Variants in PTPRN2 observed in about 807,000 individuals in gnomAD.
PTPRN2 encodes the protein protein tyrosine phosphatase receptor type N2, also known as receptor-type tyrosine-protein phosphatase N2.
In PTPRN2, 74 loss-of-function variants were observed where a neutral mutation model predicts 118.8. The observed-to-expected ratio is 0.62, with a 90% CI of 0.52 to 0.76. PTPRN2 has a LOEUF of 0.76. Among genes scored for constraint, PTPRN2 ranks in the 30% least tolerant of loss-of-function variants. PTPRN2 has a pLI of 0.00. For missense variants in PTPRN2, 1,481 were observed against 1,394.4 expected, an observed-to-expected ratio of 1.06 and a Z score of -0.99; for synonymous variants, 641 against 608.0, an observed-to-expected ratio of 1.05 and a Z score of -0.80.
At chr7:157,599,776 G>A (rs929516248) in intron 16 of PTPRN2, among the ~76,000 whole-genome samples, 23 of 152,278 alleles carry the variant, frequency 1.5e-4, no homozygotes, top group African/African-American at 4.1e-4. Flanking sequence ...TGGGTGTCAC[G>A]TCTTTACTCT....
At chr7:158,150,836 C>A (rs901626474) in intron 6 of PTPRN2, among the ~76,000 whole-genome samples, 6 of 152,054 alleles carry the variant, frequency 3.9e-5, no homozygotes, top group Admixed American at 3.9e-4. Flanking sequence ...TGGTTGCACC[C>A]CAGCCACTCT....
At chr7:158,301,159 T>C (rs933923542) in intron 3 of PTPRN2, among the ~76,000 whole-genome samples, 7 of 152,208 alleles carry the variant, frequency 4.6e-5, no homozygotes, top group African/African-American at 1.4e-4. Flanking sequence ...TCTTATACTA[T>C]AACTAGTTCC....
At chr7:158,061,022 A>T (rs1378154898) in intron 11 of PTPRN2, among the ~76,000 whole-genome samples, 1 of 152,232 alleles carries the variant, frequency 6.6e-6, no homozygotes, top group Admixed American at 6.5e-5. Flanking sequence ...ACCTTCCACA[A>T]TATGGAATAA....
chr7:158,494,758 G>A (rs112101184), intron 1 of PTPRN2, among the ~76,000 whole-genome samples: 252 of 152,304 alleles, frequency 1.7e-3, no homozygotes, highest in African/African-American at 5.9e-3. Context: ...TGGAGATGCA[G>A]GTCTGTTGGG....
chr7:158,199,638 A>G (rs535464225), intron 4 of PTPRN2, among the ~76,000 whole-genome samples: 1 of 152,124 alleles, frequency 6.6e-6, no homozygotes, highest in South Asian at 2.1e-4. Context: ...TCAGCTGTGA[A>G]GCTCAGAATG....
intron 12 of PTPRN2, among the ~76,000 whole-genome samples, chr7:157,706,635 C>T (rs1237970436): frequency 6.6e-6 from 1 of 151,682 alleles, no homozygotes; most frequent in African/African-American, 2.4e-5. Context: ...TCAACGTGAC[C>T]ACATCCTTCC....
At position 158,145,688 on chromosome 7, in the gene PTPRN2, A is replaced by G. The variant is rs530595906; in HGVS notation, c.911-7173T>C. On this transcript the variant is annotated intron_variant, in intron 6 of 22. Transcript: ENST00000389418. ...CTGCCGTGGCTGCAGCTGCCTGCAC[A>G]CTTTCTCAGGCCTGATTATTCTAGA... 3.3e-3 allele frequency among the ~76,000 whole-genome samples: 498 copies of G among 152,286 alleles called. 1 individual carries two copies. Among genetic ancestry groups the G allele is most frequent in the African/African-American group, 0.011 (469 of 41,570 alleles).
In PTPRN2 at chr7:157,874,741, GCACATA is replaced by G. The variant is rs1795611888; in HGVS notation, c.1788+23926_1788+23931del. Among the ~76,000 whole-genome samples, 2 of 150,880 alleles carry G rather than the reference GCACATA, an allele frequency of 1.3e-5. No homozygotes were observed. The highest frequency in any genetic ancestry group is 4.2e-4 in the South Asian group (2 of 4,718). On this transcript the variant is annotated intron_variant, in intron 12 of 22. Coordinates refer to ENST00000389418, the MANE Select transcript of PTPRN2 (RefSeq NM_002847.5). The surrounding 1 kb of genome is among the most constrained non-coding windows in gnomAD (Gnocchi z 5.8). ...CACACACACACAGAGACACACTCATGCACATACACAGACACACACTCATGCACACAC... is the reference window on the plus strand; with the variant it reads ...CACACACACACAGAGACACACTCATGCACAGACACACACTCATGCACACAC...
At position 157,987,055 on chromosome 7, in the gene PTPRN2, A is replaced by G. The variant is rs550814379; in HGVS notation, c.1724-88318T>C. Among the ~76,000 whole-genome samples, 354 of 152,226 alleles carry G rather than the reference A, an allele frequency of 2.3e-3. No individual in the cohort carries two copies. The highest frequency in any genetic ancestry group is 8.3e-3 in the African/African-American group (343 of 41,542). On this transcript the variant is annotated intron_variant, in intron 11 of 22. Transcript: ENST00000389418. This position sits in a 1 kb window ranked among gnomAD's most constrained non-coding sequence, Gnocchi z 4.3. ...CTGGAGTAGCTGCCGGTACACATCTAGGGAGTGATGATCCCCCTCCACCAG... is the reference window on the plus strand; with the variant it reads ...CTGGAGTAGCTGCCGGTACACATCTGGGGAGTGATGATCCCCCTCCACCAG...
intron 11 of PTPRN2, among the ~76,000 whole-genome samples, chr7:157,942,028 G>A (rs377630897): frequency 8.2e-5 from 12 of 147,104 alleles, no homozygotes; most frequent in Non-Finnish European, 1.2e-4. Flanking sequence ...CTTCGCACAC[G>A]GGGGTCCTCG....
chr7:158,407,112 C>T (rs1813511977), intron 2 of PTPRN2, among the ~76,000 whole-genome samples: 1 of 151,676 alleles, frequency 6.6e-6, no homozygotes, highest in East Asian at 2.0e-4. Flanking sequence ...AGCCCTGGGT[C>T]CTGCGTCCTG....
chr7:158,082,181 A>G (rs1198808230), intron 10 of PTPRN2, among the ~76,000 whole-genome samples: 1 of 152,202 alleles, frequency 6.6e-6, no homozygotes, highest in African/African-American at 2.4e-5. Context: ...GGGAGAGGGC[A>G]GCTAAGACTG....
In PTPRN2 at chr7:158,022,176, A is replaced by G. The variant is rs989649734; in HGVS notation, c.1723+59122T>C. Among the ~76,000 whole-genome samples the G allele has an allele frequency of 6.6e-6, 1 of 152,206 alleles. No homozygotes were observed. Among genetic ancestry groups the G allele is most frequent in the African/African-American group, 2.4e-5 (1 of 41,454 alleles). On this transcript the variant is annotated intron_variant, in intron 11 of 22. Transcript: ENST00000389418. This position sits in a 1 kb window ranked among gnomAD's most constrained non-coding sequence, Gnocchi z 4.6. Reference sequence around the variant, plus strand: ...CAGCAGCTTCCACAGACATGGTGAGAGGAGACATTCAAGGATGAATTTAAA... The same window carrying G: ...CAGCAGCTTCCACAGACATGGTGAGGGGAGACATTCAAGGATGAATTTAAA...
At chr7:158,340,411 C>A (rs867143268) in intron 2 of PTPRN2, among the ~76,000 whole-genome samples, 1 of 54,474 alleles carries the variant, frequency 1.8e-5, no homozygotes, top group Non-Finnish European at 4.1e-5. Context: ...CACCCGCAGA[C>A]GTCACTCACA....
intron 12 of PTPRN2, among the ~76,000 whole-genome samples, chr7:157,841,049 T>C (rs1232005544): frequency 6.6e-6 from 1 of 152,222 alleles, no homozygotes; most frequent in African/African-American, 2.4e-5. Flanking sequence ...TGCCTTCTGC[T>C]GGAAGTGCCA....
intron 10 of PTPRN2, among the ~76,000 whole-genome samples, chr7:158,100,601 G>C (rs1247741638): frequency 6.6e-6 from 1 of 152,108 alleles, no homozygotes; most frequent in Non-Finnish European, 1.5e-5. Context: ...AATCTTGCAG[G>C]AGTAAGGTGG....
At chr7:158,138,252 C>T (rs375992456) in intron 7 of PTPRN2, 42 bp downstream of exon 7, 139 of 1,585,260 alleles carry the variant, frequency 8.8e-5, no homozygotes, top group Admixed American at 3.2e-4. Flanking sequence ...CTCCCCTCCC[C>T]GCAGCACCCC....
Position 157,568,963 on chromosome 7 carries a change from G to T in PTPRN2, c.2841C>A (p.Asp947Glu). 1 of 1,566,760 alleles carries T rather than the reference G, an allele frequency of 6.4e-7. No homozygotes were observed. Among genetic ancestry groups the T allele is most frequent in the Non-Finnish European group, 8.8e-7 (1 of 1,137,306 alleles). ...CGTAGGTGCCGCTCCGGCCTGCACC[G>T]TCACTGCCAACAGAAGGAGAGAAAT... ...RSCPIIVHCS[D>E]GAGRSGTYVL... Residue 947 changes from aspartate (D) to glutamate (E), a missense_variant, in exon 21 of 23, where the codon GAC becomes GAA. Asp to Glu is a conservative substitution (Grantham distance 45, BLOSUM62 2). Transcript: ENST00000389418.
At chr7:158,290,211 T>C (rs963028477) in intron 3 of PTPRN2, among the ~76,000 whole-genome samples, 1 of 149,380 alleles carries the variant, frequency 6.7e-6, no homozygotes, top group African/African-American at 2.5e-5. Context: ...ACCAGGGGTC[T>C]ATTGGAGTGG....
Sources: gnomAD v4.1 joint callset for allele counts (sites outside exome capture counted in the v4.1 genomes callset) on GRCh38, gnomAD v4.1.1 for gene constraint, Gnocchi (gnomAD v3.1) non-coding constraint, MANE v1.5 for transcripts, NCBI Gene and HGNC (gene_info 2026-07-23, HGNC 2026-07-21) for gene names.